Variants in NELL1 observed in about 807,000 individuals in gnomAD.
NELL1 encodes neural EGFL like 1, also known as protein kinase C-binding protein NELL1.
NELL1 carries 76 observed loss-of-function variants against 107.4 expected under a neutral mutation model. The ratio of observed to expected loss-of-function variants is 0.71; its 90% CI spans 0.59 to 0.86. NELL1 has a LOEUF of 0.86. NELL1 is among the 40% of genes least tolerant of loss of function. The probability of loss-of-function intolerance (pLI) is 0.00; values close to 1 mark genes in which losing one functional copy is unlikely to be tolerated. For missense variants in NELL1, 1,024 were observed against 1,005.5 expected, an observed-to-expected ratio of 1.02 and a Z score of -0.25; for synonymous variants, 353 against 341.2, an observed-to-expected ratio of 1.03 and a Z score of -0.38.
intron 16 of NELL1, among the ~76,000 whole-genome samples, chr11:21,542,816 C>T (rs569539216): frequency 1.3e-5 from 2 of 151,732 alleles, no homozygotes; most frequent in African/African-American, 2.4e-5. Flanking sequence ...ATCACATGTT[C>T]AAGAGTTATT....
intron 13 of NELL1, among the ~76,000 whole-genome samples, chr11:21,190,991 A>G (rs1857037658): frequency 6.6e-6 from 1 of 151,822 alleles, no homozygotes; most frequent in Admixed American, 6.6e-5. Context: ...TGGCAGTGTA[A>G]TAGGGTGGTT....
intron 13 of NELL1, among the ~76,000 whole-genome samples, chr11:21,177,584 T>C (rs2133819997): frequency 1.3e-5 from 2 of 151,992 alleles, no homozygotes. Flanking sequence ...CACATGCAAG[T>C]GTAGACATGT....
chr11:21,035,051 G>T (rs1422232561), intron 12 of NELL1, among the ~76,000 whole-genome samples: 12 of 151,840 alleles, frequency 7.9e-5, no homozygotes, highest in Admixed American at 7.9e-4. Flanking sequence ...GTAATAAGGG[G>T]GATAATACCA....
chr11:21,454,489 T>C (rs1853671686), intron 15 of NELL1, among the ~76,000 whole-genome samples: 1 of 152,222 alleles, frequency 6.6e-6, no homozygotes, highest in African/African-American at 2.4e-5. Flanking sequence ...TTTTCTCATA[T>C]ATTTCATTTC....
intron 4 of NELL1, among the ~76,000 whole-genome samples, chr11:20,857,351 TCCCCTCGAACCTCAGCATGG>T (rs1264313967): frequency 6.6e-6 from 1 of 152,126 alleles, no homozygotes; most frequent in Non-Finnish European, 1.5e-5. Context: ...ATCCACTCAC[TCCCCTCGAACCTCAGCATGG>T]GCTGCAACCT....
rs552147538 is a variant in NELL1, at chr11:20,669,808, C to T, written c.55+30C>T. On this transcript the variant is annotated intron_variant, in intron 1 of 19. Transcript: ENST00000357134. The surrounding 1 kb of genome is among the most constrained non-coding windows in gnomAD (Gnocchi z 4.4). ...GCATGACTGTGGCGGTTAGAGGGAT[C>T]CGGGAAATGGGGGTGCCCACAGACC... 1.3e-6 allele frequency: 2 copies of T among 1,597,162 alleles called. No homozygotes were observed. The highest frequency in any genetic ancestry group is 1.1e-5 in the South Asian group (1 of 90,614).
chr11:20,828,269 G>A lies in NELL1; in HGVS notation c.336-19314G>A, dbSNP rs183613557. 2.4e-3 allele frequency among the ~76,000 whole-genome samples: 361 copies of A among 151,300 alleles called. 2 individuals are homozygous for A. Among genetic ancestry groups the A allele is most frequent in the African/African-American group, 8.3e-3 (344 of 41,452 alleles). On this transcript the variant is annotated intron_variant, in intron 3 of 19. Transcript: ENST00000357134. ...AATGTTATTATTATTTAGATCCCAC[G>A]CTTTCTGTCCTAAGTTTAAAGGGCA...
At chr11:20,704,367 C>T (rs190785108) in intron 2 of NELL1, among the ~76,000 whole-genome samples, 223 of 152,230 alleles carry the variant, frequency 1.5e-3, no homozygotes, top group African/African-American at 5.1e-3. Flanking sequence ...GCAGATCTTC[C>T]TCCATCCTTT....
chr11:21,070,975 G>A (rs1321127204), intron 12 of NELL1, among the ~76,000 whole-genome samples: 2 of 152,086 alleles, frequency 1.3e-5, no homozygotes, highest in Non-Finnish European at 2.9e-5. Context: ...ATCTCCCATT[G>A]TAAAGACGCT....
At chr11:21,046,458 T>A (rs1853356328) in intron 12 of NELL1, among the ~76,000 whole-genome samples, 1 of 152,162 alleles carries the variant, frequency 6.6e-6, no homozygotes, top group Non-Finnish European at 1.5e-5. Flanking sequence ...ATTCTCTCTC[T>A]GGTTTCCTCT....
chr11:20,977,057 C>G (rs1851652167), intron 12 of NELL1, among the ~76,000 whole-genome samples: 1 of 151,670 alleles, frequency 6.6e-6, no homozygotes, highest in Non-Finnish European at 1.5e-5. Flanking sequence ...GCCATTAAGC[C>G]CGTGTATAGC....
At chr11:21,403,609 A>C (rs116092797) in intron 15 of NELL1, among the ~76,000 whole-genome samples, 49,579 of 144,746 alleles carry the variant, frequency 0.34, 8,514 homozygotes, top group East Asian at 0.42. Flanking sequence ...AGCTCTTCAA[A>C]AAAAAAAAAA....
chr11:21,105,953 C>A (rs1205600323), intron 12 of NELL1, among the ~76,000 whole-genome samples: 1 of 134,912 alleles, frequency 7.4e-6, no homozygotes, highest in Admixed American at 7.5e-5. Flanking sequence ...TCTTTCCTCC[C>A]TCCCTCTCTT....
chr11:20,997,622 G>T (rs1053793453), intron 12 of NELL1, among the ~76,000 whole-genome samples: 36 of 152,342 alleles, frequency 2.4e-4, no homozygotes, highest in African/African-American at 8.4e-4. Flanking sequence ...GAGGTATTCA[G>T]GAGCTGTCTG....
chr11:20,921,498 G>A (rs916493394), intron 7 of NELL1, among the ~76,000 whole-genome samples: 20 of 152,058 alleles, frequency 1.3e-4, no homozygotes, highest in Non-Finnish European at 2.8e-4. Flanking sequence ...GTTGAATCAT[G>A]GCTGAGAAAG....
intron 16 of NELL1, among the ~76,000 whole-genome samples, chr11:21,541,902 C>T (rs1436064140): frequency 6.6e-6 from 1 of 152,078 alleles, no homozygotes; most frequent in Non-Finnish European, 1.5e-5. Context: ...AACAGTAATA[C>T]TAATAAGAGA....
At chr11:21,250,207 A>C (rs1858602365) in intron 14 of NELL1, among the ~76,000 whole-genome samples, 1 of 152,220 alleles carries the variant, frequency 6.6e-6, no homozygotes, top group African/African-American at 2.4e-5. Context: ...GCATCTTCAC[A>C]TATTAAAAGA....
intron 16 of NELL1, among the ~76,000 whole-genome samples, chr11:21,559,558 A>C (rs1370738410): frequency 6.6e-6 from 1 of 152,088 alleles, no homozygotes; most frequent in Non-Finnish European, 1.5e-5. Flanking sequence ...TATAGCAATT[A>C]TTTTTTATGC....
intron 14 of NELL1, among the ~76,000 whole-genome samples, chr11:21,304,359 C>A (rs1391422741): frequency 6.6e-6 from 1 of 151,980 alleles, no homozygotes; most frequent in Non-Finnish European, 1.5e-5. Flanking sequence ...GGAATTGTTA[C>A]TTTCTCAGGA....
Sources: gnomAD v4.1 joint callset for allele counts (sites outside exome capture counted in the v4.1 genomes callset) on GRCh38, gnomAD v4.1.1 for gene constraint, Gnocchi (gnomAD v3.1) non-coding constraint, MANE v1.5 for transcripts, NCBI Gene and HGNC (gene_info 2026-07-23, HGNC 2026-07-21) for gene names.